Variants in HS3ST4 observed in about 807,000 individuals in gnomAD.
HS3ST4 encodes heparan sulfate-glucosamine 3-sulfotransferase 4.
A neutral mutation model predicts 29.2 loss-of-function variants in HS3ST4; 17 were observed. The observed-to-expected ratio is 0.58, with a 90% CI of 0.40 to 0.87. The LOEUF (loss-of-function observed/expected upper bound fraction) is 0.87, where lower values mean the gene tolerates loss of function less well. HS3ST4 is among the 40% of genes least tolerant of loss of function. HS3ST4 has a pLI of 0.00. For synonymous variants in HS3ST4, 314 were observed against 285.7 expected (o/e 1.10, Z -1.00); for missense variants, 627 against 634.5 (o/e 0.99, Z 0.13).
chr16:25,827,295 T>C (rs1967227892), intron 1 of HS3ST4, among the ~76,000 whole-genome samples: 1 of 152,126 alleles, frequency 6.6e-6, no homozygotes, highest in Admixed American at 6.5e-5. Context: ...TCCATAATAG[T>C]GTCAGAGTTT....
intron 1 of HS3ST4, among the ~76,000 whole-genome samples, chr16:25,765,393 T>G (rs1386083014): frequency 2.0e-5 from 3 of 152,200 alleles, no homozygotes; most frequent in African/African-American, 7.2e-5. Flanking sequence ...CCGCTTCTGC[T>G]GAATCCCCGA....
chr16:26,052,260 G>A (rs1898356983), intron 1 of HS3ST4, among the ~76,000 whole-genome samples: 1 of 152,084 alleles, frequency 6.6e-6, no homozygotes, highest in East Asian at 1.9e-4. Context: ...ATTTCTACTC[G>A]GCTGTCTACC....
intron 1 of HS3ST4, among the ~76,000 whole-genome samples, chr16:25,751,727 T>C (rs1220735399): frequency 6.6e-6 from 1 of 152,176 alleles, no homozygotes; most frequent in African/African-American, 2.4e-5. Context: ...GTAAGCAGGA[T>C]TAGATTTAAA....
chr16:26,026,206 CG>C (rs1395951410), intron 1 of HS3ST4, among the ~76,000 whole-genome samples: 3 of 152,148 alleles, frequency 2.0e-5, no homozygotes, highest in African/African-American at 7.2e-5. Context: ...CGCACCCGGC[CG>C]GAAACAACAT....
intron 1 of HS3ST4, among the ~76,000 whole-genome samples, chr16:25,778,761 G>A (rs1370529847): frequency 6.6e-6 from 1 of 152,002 alleles, no homozygotes; most frequent in African/African-American, 2.4e-5. Flanking sequence ...AGGAGGAGGA[G>A]AAGAAGGAGA....
At chr16:25,883,853 GCC>G (rs1967919246) in intron 1 of HS3ST4, among the ~76,000 whole-genome samples, 1 of 152,164 alleles carries the variant, frequency 6.6e-6, no homozygotes, top group Non-Finnish European at 1.5e-5. Context: ...GGTAGCTCAT[GCC>G]TGTAATCTCA....
chr16:26,120,281 A>G (rs900518658), intron 1 of HS3ST4, among the ~76,000 whole-genome samples: 1 of 152,104 alleles, frequency 6.6e-6, no homozygotes, highest in Non-Finnish European at 1.5e-5. Flanking sequence ...TCTGTTTAGT[A>G]TTTCATGCAC....
chr16:25,917,320 C>T (rs1015566685), intron 1 of HS3ST4, among the ~76,000 whole-genome samples: 2 of 152,306 alleles, frequency 1.3e-5, no homozygotes, highest in African/African-American at 4.8e-5. Context: ...TCAAGCGATT[C>T]TCCTGCCTTA....
At chr16:25,883,140 A>G (rs1967911119) in intron 1 of HS3ST4, among the ~76,000 whole-genome samples, 2 of 95,570 alleles carry the variant, frequency 2.1e-5, no homozygotes, top group African/African-American at 9.2e-5. Flanking sequence ...TCTCTGGCCC[A>G]TACGATTTTT....
intron 1 of HS3ST4, among the ~76,000 whole-genome samples, chr16:26,078,137 T>TTTTATTTA (rs963348449): frequency 6.6e-6 from 1 of 152,132 alleles, no homozygotes; most frequent in Non-Finnish European, 1.5e-5. Context: ...TTGTGCTTTA[T>TTTTATTTA]TTTATTTATT....
At chr16:25,810,988 A>T (rs1051774794) in intron 1 of HS3ST4, among the ~76,000 whole-genome samples, 13 of 152,230 alleles carry the variant, frequency 8.5e-5, no homozygotes, top group African/African-American at 2.9e-4. Context: ...ATGTATCTTT[A>T]ATCTTCAGCT....
intron 1 of HS3ST4, among the ~76,000 whole-genome samples, chr16:25,960,716 AT>A (rs1220126885): frequency 6.6e-6 from 1 of 152,358 alleles, no homozygotes; most frequent in East Asian, 1.9e-4. Context: ...AATAGAGACA[AT>A]TTCAGTAATA....
intron 1 of HS3ST4, among the ~76,000 whole-genome samples, chr16:25,975,850 T>C (rs1308682900): frequency 1.3e-5 from 2 of 152,200 alleles, no homozygotes; most frequent in Non-Finnish European, 2.9e-5. Context: ...CTACAGTGGC[T>C]AAATTGCATG....
intron 1 of HS3ST4, among the ~76,000 whole-genome samples, chr16:25,696,030 T>C (rs1237448540): frequency 2.6e-5 from 4 of 152,194 alleles, no homozygotes; most frequent in Non-Finnish European, 5.9e-5. Context: ...CGGGTTTTGC[T>C]TTCCTCCTAT....
rs1898281747 is a variant in HS3ST4, at chr16:26,136,159, CTG to C, written c.1283_1284del (p.Leu428GlnfsTer27). ...CATTGACCCAGATGTCATCCACAGACTGAGGAAATTCTACAAACCCTTCAACT... is the reference window on the plus strand; with the variant it reads ...CATTGACCCAGATGTCATCCACAGACAGGAAATTCTACAAACCCTTCAACT... ...PRIDPDVIHR[L>X]RKFYKPFNLM... On this transcript the variant is annotated frameshift_variant, in exon 2 of 2. Transcript: ENST00000331351. LOFTEE classifies it high-confidence loss of function. 5.0e-6 allele frequency: 8 copies of C among 1,613,436 alleles called. No individual in the cohort carries two copies. The highest frequency in any genetic ancestry group is 6.8e-6 in the Non-Finnish European group (8 of 1,179,668).
intron 1 of HS3ST4, among the ~76,000 whole-genome samples, chr16:25,699,252 G>A (rs1966318826): frequency 6.6e-6 from 1 of 152,210 alleles, no homozygotes; most frequent in Non-Finnish European, 1.5e-5. Flanking sequence ...CTATTTTAGT[G>A]TAGGGTTTTT....
chr16:25,763,770 CAT>C (rs1966802761), intron 1 of HS3ST4, among the ~76,000 whole-genome samples: 3 of 152,150 alleles, frequency 2.0e-5, no homozygotes, highest in Admixed American at 2.0e-4. Flanking sequence ...GATGCCACCA[CAT>C]ATAAACAGAT....
intron 1 of HS3ST4, among the ~76,000 whole-genome samples, chr16:25,943,803 C>T (rs540800594): frequency 2.6e-5 from 4 of 152,164 alleles, no homozygotes; most frequent in East Asian, 1.9e-4. Context: ...CTCACAACAA[C>T]GTGGTGAGAT....
chr16:25,952,124 A>C (rs7201879), intron 1 of HS3ST4, among the ~76,000 whole-genome samples: 18,738 of 152,166 alleles, frequency 0.12, 1,819 homozygotes, highest in African/African-American at 0.26. Context: ...CTATGGCTGC[A>C]TTTGAGCCAC....
Sources: gnomAD v4.1 joint callset for allele counts (sites outside exome capture counted in the v4.1 genomes callset) on GRCh38, gnomAD v4.1.1 for gene constraint, MANE v1.5 for transcripts, NCBI Gene and HGNC (gene_info 2026-07-23, HGNC 2026-07-21) for gene names.